MAPK6: variants seen among roughly 807,000 people sequenced by gnomAD.
MAPK6 encodes the protein ERK-3.
Under a neutral mutation model 59.3 loss-of-function variants are expected in MAPK6, and 19 were observed. The observed-to-expected ratio is 0.32, with a 90% confidence interval of 0.22 to 0.47. The LOEUF (loss-of-function observed/expected upper bound fraction) is 0.47, where lower values mean the gene tolerates loss of function less well. Ranked by LOEUF, MAPK6 falls within the 20% of genes least tolerant of loss-of-function variation. The pLI is 1.00. For missense variants in MAPK6, 724 were observed against 847.9 expected, an observed-to-expected ratio of 0.85 and a Z score of 1.81; for synonymous variants, 316 against 290.3, an observed-to-expected ratio of 1.09 and a Z score of -0.90.
chr15:51,976,411 G>C (rs370954316), intron 1 of MAPK6, among the ~76,000 whole-genome samples: 4 of 151,734 alleles, frequency 2.6e-5, no homozygotes, highest in African/African-American at 9.7e-5. Flanking sequence ...AGTGACCAGA[G>C]GGAACGCAGT....
At chr15:52,031,280 G>C (rs935259718) in intron 1 of MAPK6, among the ~76,000 whole-genome samples, 4 of 152,278 alleles carry the variant, frequency 2.6e-5, no homozygotes, top group African/African-American at 9.6e-5. Flanking sequence ...CAAAAGGTTG[G>C]GGAGTGAAGG....
intron 2 of MAPK6, among the ~76,000 whole-genome samples, chr15:51,992,068 C>T (rs2057210410): frequency 6.6e-6 from 1 of 151,074 alleles, no homozygotes; most frequent in African/African-American, 2.4e-5. Flanking sequence ...GTGATCCTCC[C>T]ACCTCAGACT....
At chr15:51,976,461 A>G (rs1337664816) in intron 1 of MAPK6, among the ~76,000 whole-genome samples, 1 of 151,694 alleles carries the variant, frequency 6.6e-6, no homozygotes, top group African/African-American at 2.4e-5. Flanking sequence ...AAACTCAAAC[A>G]AGAACATTGA....
At chr15:52,063,678 A>ATGT (rs2032297151) in intron 5 of MAPK6, among the ~76,000 whole-genome samples, 1 of 152,198 alleles carries the variant, frequency 6.6e-6, no homozygotes, top group East Asian at 1.9e-4. Context: ...GGTGGACAAA[A>ATGT]AACAAATTGG....
At chr15:52,054,960 G>A (rs1489222590) in intron 3 of MAPK6, among the ~76,000 whole-genome samples, 1 of 152,086 alleles carries the variant, frequency 6.6e-6, no homozygotes, top group East Asian at 1.9e-4. Context: ...GCTAACTTTT[G>A]TATTTTTAGT....
At position 52,046,776 on chromosome 15, in the gene MAPK6, A is replaced by G. The variant is rs780623512; in HGVS notation, c.316A>G (p.Ile106Val). ...TCTTACGGAACTGAACAGTGTTTAC[A>G]TTGTTCAGGAGTACATGGAGACAGA... The part of the protein sequence containing the change: ...GSLTELNSVY[I>V]VQEYMETDLA... The change falls in exon 2 of 6, where the codon ATT becomes GTT. Residue 106 changes from isoleucine to valine, a missense_variant. By Grantham distance (29) the Ile-to-Val change is conservative. This residue lies in a region of MAPK6 where 87 missense variants were observed against 93.0 expected (regional missense o/e 0.93). Transcript: ENST00000261845. The G allele has an allele frequency of 5.4e-5, 87 of 1,613,980 alleles. 1 individual carries two copies. The South Asian group carries it at 6.7e-4, about 12-fold the overall frequency.
At chr15:51,992,370 C>T (rs368045574) in intron 2 of MAPK6, among the ~76,000 whole-genome samples, 176 of 148,948 alleles carry the variant, frequency 1.2e-3, no homozygotes, top group African/African-American at 4.3e-3. Context: ...GGTGCGATCT[C>T]GGCTCACTGC....
rs182397049 is a variant in MAPK6 at position 52,009,851 on chromosome 15, C to A, written c.-632+5449C>A. On this transcript the variant is annotated intron_variant, in intron 3 of 7. Transcript: ENST00000691380. ...GCAGTGGTGCTATCTTGGCTCACTG[C>A]AACCACTGCCTCCTGGGTTCAAGTG... Among the ~76,000 whole-genome samples the A allele has an allele frequency of 3.2e-4, 49 of 152,156 alleles. No homozygotes were observed. The East Asian group carries it at 8.1e-3, about 25-fold the overall frequency.
intron 1 of MAPK6, among the ~76,000 whole-genome samples, chr15:51,980,109 A>T (rs893081229): frequency 6.6e-6 from 1 of 151,600 alleles, no homozygotes; most frequent in African/African-American, 2.4e-5. Flanking sequence ...AACCTGGCCA[A>T]CATGGTGAAA....
intron 1 of MAPK6, among the ~76,000 whole-genome samples, chr15:51,979,622 A>T (rs2057167592): frequency 6.6e-6 from 1 of 151,628 alleles, no homozygotes. Flanking sequence ...GCGAAACCCC[A>T]TCACTACGAA....
chr15:51,998,101 G>A (rs774176924), intron 2 of MAPK6, among the ~76,000 whole-genome samples: 13 of 150,426 alleles, frequency 8.6e-5, no homozygotes, highest in Admixed American at 4.0e-4. Flanking sequence ...ATGCCACCAC[G>A]CCCAGCTAAT....
At chr15:51,986,072 A>T (rs1315032251) in intron 2 of MAPK6, among the ~76,000 whole-genome samples, 1 of 152,224 alleles carries the variant, frequency 6.6e-6, no homozygotes, top group East Asian at 1.9e-4. Flanking sequence ...AAGAGGTTTA[A>T]TTGACTCACA....
At chr15:52,002,029 C>T (rs2057243492) in intron 2 of MAPK6, among the ~76,000 whole-genome samples, 1 of 152,182 alleles carries the variant, frequency 6.6e-6, no homozygotes, top group African/African-American at 2.4e-5. Context: ...GTCTTGTCCT[C>T]AGCATTCTCT....
At chr15:52,047,076 TAC>T in intron 2 of MAPK6, 61 bp downstream of exon 2, 1 of 1,219,654 alleles carries the variant, frequency 8.2e-7, no homozygotes, top group Non-Finnish European at 1.1e-6. Context: ...CAGGAATAGG[TAC>T]TTATATTTTC....
At chr15:52,020,474 G>A (rs1488727009) in intron 1 of MAPK6, among the ~76,000 whole-genome samples, 1 of 151,524 alleles carries the variant, frequency 6.6e-6, no homozygotes, top group East Asian at 1.9e-4. Context: ...TTTTTTAACG[G>A]ATACAGATGA....
At position 52,047,023 on chromosome 15, in the gene MAPK6, T is replaced by A. The variant is rs989230305; in HGVS notation, c.555+8T>A. ...CCTCATTATTCCCATAAGGTATGTA[T>A]AGAAAGCCAGCTGAGACAGATCTTT... On this transcript the variant is annotated splice_region_variant and intron_variant, in intron 2 of 5. Coordinates refer to ENST00000261845, the MANE Select transcript of MAPK6 (RefSeq NM_002748.4). 92 of 1,527,024 alleles carry A rather than the reference T, an allele frequency of 6.0e-5. No individual in the cohort carries two copies. Among genetic ancestry groups the A allele is most frequent in the Non-Finnish European group, 7.8e-5 (89 of 1,140,142 alleles). The allele number at this position is 1,527,024 out of a possible 1,614,324, so 94.6% of individuals were successfully genotyped here. A position where few individuals can be genotyped will look rare whatever the true frequency, so the allele number is the denominator to read the frequency against.
At chr15:52,010,406 G>A (rs985630865) in intron 3 of MAPK6, among the ~76,000 whole-genome samples, 1 of 151,256 alleles carries the variant, frequency 6.6e-6, no homozygotes, top group African/African-American at 2.4e-5. Context: ...GTAGAGACAG[G>A]GTTTCTCCAT....
intron 3 of MAPK6, among the ~76,000 whole-genome samples, chr15:52,050,562 T>C (rs2031744803): frequency 6.6e-6 from 1 of 152,156 alleles, no homozygotes; most frequent in Non-Finnish European, 1.5e-5. Flanking sequence ...TCTAAAGAAG[T>C]GTGTGAGAGA....
chr15:52,058,117 C>A (rs2032054296), intron 3 of MAPK6, among the ~76,000 whole-genome samples: 1 of 152,194 alleles, frequency 6.6e-6, no homozygotes, highest in Admixed American at 6.5e-5. Context: ...TTAAAAGTCA[C>A]CACCTATTTA....
Sources: allele counts gnomAD v4.1 joint callset (sites outside exome capture counted in the v4.1 genomes callset), GRCh38; gene constraint gnomAD v4.1.1; regional missense constraint gnomAD v4.1.1; transcripts MANE v1.5; gene names NCBI Gene and HGNC (gene_info 2026-07-23, HGNC 2026-07-21).